The following FER variants were observed in gnomAD, a reference collection of about 807,000 sequenced individuals.
FER encodes FER tyrosine kinase.
Under a neutral mutation model 111.0 loss-of-function variants are expected in FER, and 63 were observed. The observed-to-expected ratio is 0.57, with a 90% confidence interval of 0.46 to 0.70. FER has a LOEUF of 0.70. Ranked by LOEUF, FER falls within the 30% of genes least tolerant of loss-of-function variation. The pLI, the probability that FER is intolerant of heterozygous loss-of-function variation, is 0.00. For synonymous variants in FER, 327 were observed against 313.9 expected, an observed-to-expected ratio of 1.04 and a Z score of -0.44; for missense variants, 914 against 954.0, an observed-to-expected ratio of 0.96 and a Z score of 0.55.
chr5:108,858,426 CCAAAGTTACTTAGTTTTTTA>C (rs1282167364), intron 5 of FER, among the ~76,000 whole-genome samples: 1 of 152,056 alleles, frequency 6.6e-6, no homozygotes. Context: ...ATACTGTTTT[CCAAAGTTACTTAGTTTTTTA>C]CAAAGTTACT....
At chr5:108,785,340 A>G in intron 2 of FER, 1 of 572,110 alleles carries the variant, frequency 1.7e-6, no homozygotes, top group Admixed American at 2.0e-5. Context: ...CCCAACTGCT[A>G]CTGGCTCTGT....
At position 109,100,444 on chromosome 5, in the gene FER, T is replaced by C. The variant is rs1561894310; in HGVS notation, c.1973T>C (p.Leu658Pro). 14 of 1,611,336 alleles carry C rather than the reference T, an allele frequency of 8.7e-6. No individual in the cohort carries two copies. The highest frequency in any genetic ancestry group is 1.2e-5 in the Non-Finnish European group (14 of 1,178,138). Reference sequence around the variant, plus strand: ...AGAAGGAAGAAGGATGAACTAAAACTCAAACAGTTAGTGAAATTTTCATTA... The same window carrying C: ...AGAAGGAAGAAGGATGAACTAAAACCCAAACAGTTAGTGAAATTTTCATTA... ...FLRRKKDELK[L>P]KQLVKFSLDA... The change falls in exon 17 of 20, where the codon CTC becomes CCC. Residue 658 changes from leucine to proline, a missense_variant. Coordinates refer to ENST00000281092, the MANE Select transcript of FER (RefSeq NM_005246.4).
At chr5:109,038,445 C>A (rs1770697257) in intron 14 of FER, among the ~76,000 whole-genome samples, 2 of 151,756 alleles carry the variant, frequency 1.3e-5, no homozygotes, top group African/African-American at 4.8e-5. Context: ...GACTATTTTC[C>A]CCTATTTTTA....
chr5:109,012,157 C>A (rs971019673), intron 13 of FER, among the ~76,000 whole-genome samples: 3 of 152,170 alleles, frequency 2.0e-5, no homozygotes, highest in Non-Finnish European at 4.4e-5. Flanking sequence ...TGATTGTAAC[C>A]TTCTTGGAGG....
At chr5:108,838,383 T>G (rs1376668245) in intron 5 of FER, among the ~76,000 whole-genome samples, 150 of 152,234 alleles carry the variant, frequency 9.9e-4, no homozygotes, top group Non-Finnish European at 2.2e-4. Context: ...CTTAGAAAAG[T>G]TATTTACAAT....
At chr5:109,147,285 G>A (rs1028725242) in intron 17 of FER, among the ~76,000 whole-genome samples, 3 of 151,952 alleles carry the variant, frequency 2.0e-5, no homozygotes, top group Admixed American at 6.6e-5. Flanking sequence ...GCTATGAATC[G>A]ATGTGAATAA....
chr5:109,054,411 G>A (rs767986304), intron 16 of FER, among the ~76,000 whole-genome samples: 4 of 151,994 alleles, frequency 2.6e-5, no homozygotes, highest in Admixed American at 6.6e-5. Flanking sequence ...CTTATTTGAC[G>A]TTTGTATATC....
chr5:108,970,156 C>G (rs1410383122), intron 13 of FER, among the ~76,000 whole-genome samples: 1 of 148,142 alleles, frequency 6.8e-6, no homozygotes, highest in Non-Finnish European at 1.5e-5. Flanking sequence ...TTTCCAAACA[C>G]TGTTTTATGC....
At chr5:109,096,189 C>G (rs543237270) in intron 16 of FER, among the ~76,000 whole-genome samples, 1 of 152,086 alleles carries the variant, frequency 6.6e-6, no homozygotes, top group Non-Finnish European at 1.5e-5. Context: ...TAGCAGAAAT[C>G]TTTGAGAAAC....
chr5:109,065,517 T>A (rs1774978540), intron 16 of FER, among the ~76,000 whole-genome samples: 1 of 152,182 alleles, frequency 6.6e-6, no homozygotes, highest in South Asian at 2.1e-4. Context: ...GTATCTGGAC[T>A]CTTCTCAAGT....
At position 109,054,454 on chromosome 5, in the gene FER, A is replaced by G. The variant is rs547012624; in HGVS notation, c.1924+7256A>G. Among the ~76,000 whole-genome samples the G allele has an allele frequency of 6.3e-4, 96 of 152,234 alleles. 4 individuals are homozygous for G. The South Asian group carries it at 0.019, about 30-fold the overall frequency. The stretch of plus-strand genomic sequence containing the variant: ...GTCAAGTGTCCAAATCGTCTTGCCT[A>G]TTTTAAAAATTGGGTTGGTTGTTTT... On this transcript the variant is annotated intron_variant, in intron 16 of 19. Coordinates refer to ENST00000281092, the MANE Select transcript of FER (RefSeq NM_005246.4).
intron 3 of FER, among the ~76,000 whole-genome samples, chr5:108,808,728 G>A (rs6874773): frequency 0.23 from 34,687 of 151,948 alleles, 4,140 homozygotes; most frequent in African/African-American, 0.28. Context: ...AGGTATTTTC[G>A]TTGTTGTTGT....
intron 3 of FER, among the ~76,000 whole-genome samples, chr5:108,819,449 A>G (rs1758616924): frequency 6.6e-6 from 1 of 152,120 alleles, no homozygotes; most frequent in African/African-American, 2.4e-5. Flanking sequence ...TTTGAATGTG[A>G]GCTCTTCCAT....
At chr5:109,008,984 CA>C (rs1411895904) in intron 13 of FER, among the ~76,000 whole-genome samples, 1 of 151,322 alleles carries the variant, frequency 6.6e-6, no homozygotes, top group African/African-American at 2.4e-5. Flanking sequence ...ACAACAACAA[CA>C]ACAACAACAA....
At chr5:108,803,371 A>G (rs1045062738) in intron 3 of FER, among the ~76,000 whole-genome samples, 2 of 152,078 alleles carry the variant, frequency 1.3e-5, no homozygotes, top group Admixed American at 1.3e-4. Context: ...TTTTGTTGCA[A>G]TTGCTTTTGA....
At chr5:108,984,255 C>CA (rs1398061558) in intron 13 of FER, among the ~76,000 whole-genome samples, 1 of 151,782 alleles carries the variant, frequency 6.6e-6, no homozygotes, top group Non-Finnish European at 1.5e-5. Flanking sequence ...TTACTGTAGG[C>CA]AAAGATCTAG....
At chr5:109,013,127 G>A (rs972554482) in intron 13 of FER, among the ~76,000 whole-genome samples, 3 of 150,022 alleles carry the variant, frequency 2.0e-5, no homozygotes, top group African/African-American at 7.4e-5. Flanking sequence ...TGTGCACAAT[G>A]TACAGGTTAG....
chr5:108,845,644 C>T (rs1405321223), intron 5 of FER, among the ~76,000 whole-genome samples: 1 of 151,848 alleles, frequency 6.6e-6, no homozygotes, highest in East Asian at 1.9e-4. Flanking sequence ...TGGCTAGATC[C>T]TCCAGTATGA....
At chr5:108,989,958 C>G (rs557987791) in intron 13 of FER, among the ~76,000 whole-genome samples, 13 of 152,002 alleles carry the variant, frequency 8.6e-5, no homozygotes, top group African/African-American at 2.9e-4. Context: ...TAGTCAGTCT[C>G]AGGTCAAGGA....
Sources: allele counts gnomAD v4.1 joint callset (sites outside exome capture counted in the v4.1 genomes callset), GRCh38; gene constraint gnomAD v4.1.1; transcripts MANE v1.5; gene names NCBI Gene and HGNC (gene_info 2026-07-23, HGNC 2026-07-21).